The following MICAL3 variants were observed in gnomAD, a reference collection of about 807,000 sequenced individuals.
The protein encoded by MICAL3 is [F-actin]-monooxygenase MICAL3.
In MICAL3, 62 loss-of-function variants were observed where a neutral mutation model predicts 207.4. The observed-to-expected ratio is 0.30, with a 90% CI of 0.24 to 0.37. MICAL3 has a LOEUF of 0.37. Ranked by LOEUF, MICAL3 falls within the 10% of genes least tolerant of loss-of-function variation. The pLI, the probability that MICAL3 is intolerant of heterozygous loss-of-function variation, is 1.00. For missense variants in MICAL3, 2,368 were observed against 2,635.6 expected (o/e 0.90, Z 2.22); for synonymous variants, 1,077 against 1,069.3 (o/e 1.01, Z -0.14).
At chr22:17,899,122 AC>A (rs1413335898) in intron 7 of MICAL3, among the ~76,000 whole-genome samples, 2 of 152,238 alleles carry the variant, frequency 1.3e-5, no homozygotes, top group Admixed American at 1.3e-4. Context: ...GCTGTCTGAA[AC>A]CTGCTTTGCA....
At chr22:17,929,268 T>C (rs1157741636) in intron 1 of MICAL3, among the ~76,000 whole-genome samples, 25 of 64,730 alleles carry the variant, frequency 3.9e-4, no homozygotes, top group Admixed American at 8.6e-4. Flanking sequence ...CTGGCTAATT[T>C]TTTTTTTTTT....
chr22:17,877,510 T>TGAGGGAGG, intron 16 of MICAL3, among the ~76,000 whole-genome samples: 1 of 118,764 alleles, frequency 8.4e-6, no homozygotes, highest in South Asian at 2.4e-4. Flanking sequence ...GTTATGGAGG[T>TGAGGGAGG]TAGGGAGGTT....
chr22:17,842,078 G>A, intron 19 of MICAL3, 61 bp from the exon 20 acceptor site: 1 of 1,489,470 alleles, frequency 6.7e-7, no homozygotes, highest in Non-Finnish European at 9.1e-7. Flanking sequence ...CGTGGGGGTG[G>A]GGGCTGACAC....
intron 21 of MICAL3, among the ~76,000 whole-genome samples, chr22:17,828,592 A>C (rs1922459544): frequency 6.6e-6 from 1 of 152,242 alleles, no homozygotes; most frequent in East Asian, 1.9e-4. Context: ...TCTGAGGTCA[A>C]AGCCCTCACC....
At chr22:18,019,806 A>ATTTTTTTTTTTTTT (rs34107345) in intron 1 of MICAL3, 3 of 77,800 alleles carry the variant, frequency 3.9e-5, no homozygotes, top group African/African-American at 6.0e-5. Context: ...AATGCTGCTG[A>ATTTTTTTTTTTTTT]TTTTTTTTTT....
chr22:17,852,203 C>G (rs1925410547), intron 19 of MICAL3, among the ~76,000 whole-genome samples: 1 of 152,172 alleles, frequency 6.6e-6, no homozygotes, highest in South Asian at 2.1e-4. Context: ...TTTAAAGACA[C>G]AAAATCACAT....
intron 1 of MICAL3, among the ~76,000 whole-genome samples, chr22:17,916,680 C>T (rs1308953675): frequency 6.6e-6 from 1 of 152,140 alleles, no homozygotes; most frequent in Non-Finnish European, 1.5e-5. Flanking sequence ...CCCCCACAAC[C>T]CCACCGGCCT....
rs547226799 is a variant in MICAL3, at chr22:17,964,370, T to C, written c.-74-57484A>G. On this transcript the variant is annotated intron_variant, in intron 1 of 31. Transcript: ENST00000441493. ...CCCCGTCTCCCAGCCATGTACACAG[T>C]AGCTGCTGGCTGAGGACACTGCTGC... Among the ~76,000 whole-genome samples the C allele has an allele frequency of 5.3e-5, 8 of 152,336 alleles. No homozygotes were observed. The East Asian group carries it at 1.5e-3, about 29-fold the overall frequency.
intron 1 of MICAL3, among the ~76,000 whole-genome samples, chr22:17,930,086 C>T (rs1357133070): frequency 6.6e-6 from 1 of 151,982 alleles, no homozygotes; most frequent in African/African-American, 2.4e-5. Flanking sequence ...ACATATTAGT[C>T]ACAGGAAGTC....
intron 1 of MICAL3, among the ~76,000 whole-genome samples, chr22:17,956,684 C>T (rs960706992): frequency 2.0e-5 from 3 of 152,104 alleles, no homozygotes; most frequent in Non-Finnish European, 2.9e-5. Context: ...GACTTAGCTC[C>T]GAGAAAAGAA....
chr22:17,908,854 G>A (rs911409590), intron 1 of MICAL3, among the ~76,000 whole-genome samples: 2 of 152,190 alleles, frequency 1.3e-5, no homozygotes, highest in Admixed American at 6.5e-5. Flanking sequence ...CTATTCAGCT[G>A]CAGGTGCTGC....
At position 17,827,801 on chromosome 22, in the gene MICAL3, G is replaced by A. The variant is rs752214847; in HGVS notation, c.3056-20C>T. 3.3e-6 allele frequency: 5 copies of A among 1,534,818 alleles called. No homozygotes were observed. The South Asian group carries it at 6.0e-5, about 18-fold the overall frequency. ...TCCCGGCTAGTGTCCCAGGGTCAAG[G>A]GGTGGAGAAATGAGGTGGGGAAGGA... On this transcript the variant is annotated intron_variant, in intron 21 of 31. Coordinates refer to ENST00000441493, the MANE Select transcript of MICAL3 (RefSeq NM_015241.3).
chr22:17,814,328 C>A (rs865852534), intron 27 of MICAL3: 1 of 152,246 alleles, frequency 6.6e-6, no homozygotes, highest in African/African-American at 2.4e-5. Flanking sequence ...TTTTATATGA[C>A]CTTTTGTAAT....
chr22:17,963,552 C>A (rs1079576), intron 1 of MICAL3, among the ~76,000 whole-genome samples: 30,397 of 152,048 alleles, frequency 0.2, 3,195 homozygotes, highest in Middle Eastern at 0.27. Context: ...AAGCGCCATC[C>A]TGCCTCCATG....
chr22:17,893,499 C>T (rs1436148338), intron 11 of MICAL3, among the ~76,000 whole-genome samples: 1 of 152,182 alleles, frequency 6.6e-6, no homozygotes, highest in Non-Finnish European at 1.5e-5. Flanking sequence ...CGCGTCTGTA[C>T]CTGGTTTCTC....
chr22:17,893,649 C>T (rs1379304495), intron 11 of MICAL3, among the ~76,000 whole-genome samples, 159 bp downstream of exon 11: 1 of 152,190 alleles, frequency 6.6e-6, no homozygotes, highest in African/African-American at 2.4e-5. Context: ...AGACAACTAC[C>T]AAGTATCCCC....
chr22:17,970,411 C>G (rs1935354862), intron 1 of MICAL3, among the ~76,000 whole-genome samples: 1 of 152,094 alleles, frequency 6.6e-6, no homozygotes, highest in Admixed American at 6.6e-5. Flanking sequence ...ATCAGAGGAT[C>G]TTCGTGATCT....
intron 1 of MICAL3, among the ~76,000 whole-genome samples, chr22:17,946,389 C>T (rs139607569): frequency 7.9e-5 from 12 of 152,372 alleles, no homozygotes; most frequent in African/African-American, 1.9e-4. Context: ...TGTGAAACAA[C>T]GACCCACATG....
At chr22:17,881,463 C>T (rs1929426359) in intron 16 of MICAL3, among the ~76,000 whole-genome samples, 1 of 152,170 alleles carries the variant, frequency 6.6e-6, no homozygotes, top group African/African-American at 2.4e-5. Flanking sequence ...CTCCCGTGGG[C>T]CCCCAGGTGG....
Sources: gnomAD v4.1 joint callset for allele counts (sites outside exome capture counted in the v4.1 genomes callset) on GRCh38, gnomAD v4.1.1 for gene constraint, MANE v1.5 for transcripts, NCBI Gene and HGNC (gene_info 2026-07-23, HGNC 2026-07-21) for gene names.